The following SDK2 variants were observed in gnomAD, a reference collection of about 807,000 sequenced individuals.
The protein encoded by SDK2 is sidekick cell adhesion molecule 2.
In SDK2, 105 loss-of-function variants were observed where a neutral mutation model predicts 253.9. The ratio of observed to expected loss-of-function variants is 0.41; its 90% CI spans 0.35 to 0.49. The LOEUF is 0.49. SDK2 is among the 20% of genes least tolerant of loss of function. The pLI is 0.06. For missense variants in SDK2, 2,608 were observed against 3,003.0 expected (o/e 0.87, Z 3.07); for synonymous variants, 1,249 against 1,234.9 (o/e 1.01, Z -0.24).
At chr17:73,568,809 G>A (rs961000650) in intron 1 of SDK2, among the ~76,000 whole-genome samples, 1 of 152,130 alleles carries the variant, frequency 6.6e-6, no homozygotes, top group East Asian at 1.9e-4. Flanking sequence ...TTAAACAGGC[G>A]ACTGCAGAAG....
At chr17:73,483,523 A>G (rs1282385014) in intron 2 of SDK2, among the ~76,000 whole-genome samples, 30 of 137,438 alleles carry the variant, frequency 2.2e-4, no homozygotes, top group African/African-American at 5.5e-4. Flanking sequence ...GTGTGTGTGT[A>G]TATATATATG....
chr17:73,430,506 A>G lies in SDK2; in HGVS notation c.1583+5T>C, dbSNP rs1479063828. ...CTTGCCTGGAGTCAACAGCAGAGCC[A>G]GTACCTGATGGTTACTCGGGGGTCG... On this transcript the variant is annotated splice_donor_5th_base_variant and intron_variant, in intron 12 of 44. Coordinates refer to ENST00000392650, the MANE Select transcript of SDK2 (RefSeq NM_001144952.2). 6.2e-7 allele frequency: 1 copy of G among 1,600,190 alleles called. No individual in the cohort carries two copies. The highest frequency in any genetic ancestry group is 2.2e-5 in the East Asian group (1 of 44,538).
At chr17:73,535,848 C>T (rs931306182) in intron 1 of SDK2, among the ~76,000 whole-genome samples, 3 of 152,146 alleles carry the variant, frequency 2.0e-5, no homozygotes, top group African/African-American at 7.2e-5. Flanking sequence ...GCTGCTTGGA[C>T]CAGAGTGATC....
intron 32 of SDK2, among the ~76,000 whole-genome samples, chr17:73,384,250 C>A (rs1389127632): frequency 6.6e-6 from 1 of 152,156 alleles, no homozygotes; most frequent in Non-Finnish European, 1.5e-5. Flanking sequence ...TTTATCCAAG[C>A]AGGAAACTGA....
Position 73,388,057 on chromosome 17 carries a change from G to A in SDK2, c.4193-20C>T, listed in dbSNP as rs765836074. 5 of 1,551,284 alleles carry A rather than the reference G, an allele frequency of 3.2e-6. No individual in the cohort carries two copies. In the African/African-American group the frequency reaches 4.1e-5, roughly 13 times the overall value. On this transcript the variant is annotated intron_variant, in intron 29 of 44. Coordinates refer to ENST00000392650, the MANE Select transcript of SDK2 (RefSeq NM_001144952.2). ...GACGGTCTGGGAGGTGGCAGAGGGGGAGGAGCAGGTGAGTGGGCCAGGCCA... is the reference window on the plus strand; with the variant it reads ...GACGGTCTGGGAGGTGGCAGAGGGGAAGGAGCAGGTGAGTGGGCCAGGCCA...
intron 36 of SDK2, among the ~76,000 whole-genome samples, chr17:73,370,357 C>T: frequency 6.6e-6 from 1 of 152,154 alleles, no homozygotes. Context: ...ATCCTCCCAC[C>T]TCAGCCTCCT....
rs1032631434 is a variant in SDK2, at chr17:73,431,143, A to G, written c.1480+359T>C. 1.9e-4 allele frequency among the ~76,000 whole-genome samples: 29 copies of G among 152,222 alleles called. No individual in the cohort carries two copies. The highest frequency in any genetic ancestry group is 6.5e-4 in the African/African-American group (27 of 41,458). ...TTCTAGATAAAACGGAAGCTAGTTG[A>G]GTCGTTGTGACAGAGACCGTCTGGC... On this transcript the variant is annotated intron_variant, in intron 11 of 44. Coordinates refer to ENST00000392650, the MANE Select transcript of SDK2 (RefSeq NM_001144952.2). The surrounding 1 kb of genome is among the most constrained non-coding windows in gnomAD (Gnocchi z 5.6).
At chr17:73,636,680 C>CAAAAA (rs561026344) in intron 1 of SDK2, among the ~76,000 whole-genome samples, 849 of 49,178 alleles carry the variant, frequency 0.017, no homozygotes, top group East Asian at 0.037. Flanking sequence ...GACTCTGTCT[C>CAAAAA]AAAAAAAAAA....
intron 1 of SDK2, among the ~76,000 whole-genome samples, chr17:73,623,973 G>A (rs1268361751): frequency 6.6e-6 from 1 of 152,190 alleles, no homozygotes; most frequent in Non-Finnish European, 1.5e-5. Flanking sequence ...TAACAAAGCA[G>A]GGCCTCCGGG....
At chr17:73,388,716 A>G (rs1330139669) in intron 29 of SDK2, among the ~76,000 whole-genome samples, 1 of 148,042 alleles carries the variant, frequency 6.8e-6, no homozygotes, top group Non-Finnish European at 1.5e-5. Flanking sequence ...TCCTGAGTAC[A>G]TTTTCTTCTT....
chr17:73,385,814 C>A, intron 32 of SDK2, 33 bp downstream of exon 32: 1 of 1,574,200 alleles, frequency 6.4e-7, no homozygotes, highest in Non-Finnish European at 8.6e-7. Flanking sequence ...TCGTCTGGGT[C>A]TTCACGGAGG....
chr17:73,402,139 C>G lies in SDK2; in HGVS notation c.2487G>C (p.Leu829=). 6.2e-7 allele frequency: 1 copy of G among 1,612,964 alleles called. No homozygotes were observed. Among genetic ancestry groups the G allele is most frequent in the Non-Finnish European group, 8.5e-7 (1 of 1,179,300 alleles). ...FINGINQGYK[L]IAWEPEQEEE... is the part of the protein sequence containing the mutation. ...CTTCCTGTTCCGGCTCCCAGGCGAT[C>G]AGCTGCGGAGAGGCGAGCAAGTCAC... Residue 829 remains leucine, a splice_region_variant and synonymous_variant, in exon 19 of 45, where the codon CTG becomes CTC. Coordinates refer to ENST00000392650, the MANE Select transcript of SDK2 (RefSeq NM_001144952.2).
At position 73,386,506 on chromosome 17, in the gene SDK2, G is replaced by T; in HGVS notation, c.4437C>A (p.Thr1479=). Residue 1479 remains threonine, a synonymous_variant, in exon 31 of 45, where the codon ACC becomes ACA. Coordinates refer to ENST00000392650, the MANE Select transcript of SDK2 (RefSeq NM_001144952.2). Reference sequence around the variant, plus strand: ...TGAACTCGCTGTCGCCAATGTCATTGGTCGCCTTCACTCGGAACTTGTAGG... The same window carrying T: ...TGAACTCGCTGTCGCCAATGTCATTTGTCGCCTTCACTCGGAACTTGTAGG... ...FTSYKFRVKA[T]NDIGDSEFSE... 1 of 1,562,006 alleles carries T rather than the reference G, an allele frequency of 6.4e-7. No individual in the cohort carries two copies. The highest frequency in any genetic ancestry group is 1.9e-5 in the Admixed American group (1 of 52,504).
chr17:73,641,637 C>T (rs1429843179), intron 1 of SDK2, among the ~76,000 whole-genome samples: 1 of 150,862 alleles, frequency 6.6e-6, no homozygotes, highest in East Asian at 1.9e-4. Context: ...AATCTGGTGA[C>T]AGTGGTCGAT....
At chr17:73,468,370 A>G (rs751706347) in intron 3 of SDK2, among the ~76,000 whole-genome samples, 116 of 152,242 alleles carry the variant, frequency 7.6e-4, no homozygotes, top group Non-Finnish European at 1.4e-3. Flanking sequence ...TAGGAGGTCG[A>G]TATTATTAAT....
In SDK2 at chr17:73,337,994, A is replaced by T. The variant is rs2062394499; in HGVS notation, c.*593T>A. 6.5e-6 allele frequency: 1 copy of T among 153,698 alleles called. No individual in the cohort carries two copies. The highest frequency in any genetic ancestry group is 1.4e-5 in the Non-Finnish European group (1 of 69,126). 9.5% of individuals were successfully genotyped at this position (153,698 alleles called of 1,614,324 possible). ...GCTTGGTGGAGAAGTTGAGCAGGGG[A>T]GATGGGCAGTAGAGGTTGCCAAGAC... On this transcript the variant is annotated 3_prime_UTR_variant, in exon 45 of 45. Transcript: ENST00000392650.
intron 24 of SDK2, among the ~76,000 whole-genome samples, chr17:73,397,445 C>G (rs1055275540): frequency 3.3e-5 from 5 of 152,142 alleles, no homozygotes; most frequent in African/African-American, 1.2e-4. Context: ...AGAACTTGGG[C>G]GAGTGATCTG....
intron 1 of SDK2, among the ~76,000 whole-genome samples, chr17:73,638,449 T>G (rs550392194): frequency 6.6e-6 from 1 of 151,606 alleles, no homozygotes; most frequent in Non-Finnish European, 1.5e-5. Flanking sequence ...TGCTCCGAGA[T>G]GGATAAGACA....
rs1232375434 is a variant in SDK2 at position 73,423,926 on chromosome 17, G to T, written c.1750C>A (p.Leu584Met). 8.2e-6 allele frequency: 13 copies of T among 1,580,556 alleles called. No homozygotes were observed. The highest frequency in any genetic ancestry group is 1.0e-5 in the Non-Finnish European group (12 of 1,162,992). Residue 584 changes from leucine to methionine, a missense_variant, in exon 13 of 45, where the codon CTG (leucine) becomes ATG (methionine). This residue lies in a region of SDK2 where 1,505 missense variants were observed against 1,859.1 expected (regional missense o/e 0.81). Transcript: ENST00000392650. ...GAGGGCTGCCCTTACCTGACTCGCA[G>T]GTGGGCACTGCGAGAGTCGTTGCCT... Reference protein sequence around the residue: ...AGGNDSRSAHLRVRQLPHAPE... With the variant: ...AGGNDSRSAHMRVRQLPHAPE...
Sources: gnomAD v4.1 joint callset for allele counts (sites outside exome capture counted in the v4.1 genomes callset) on GRCh38, gnomAD v4.1.1 for gene constraint, gnomAD v4.1.1 regional missense constraint, Gnocchi (gnomAD v3.1) non-coding constraint, MANE v1.5 for transcripts, NCBI Gene and HGNC (gene_info 2026-07-23, HGNC 2026-07-21) for gene names.